The following EPHA6 variants were observed in gnomAD, a reference collection of about 807,000 sequenced individuals.
The protein encoded by EPHA6 is ephrin type-A receptor 6.
A neutral mutation model predicts 112.0 loss-of-function variants in EPHA6; 50 were observed. The ratio of observed to expected loss-of-function variants is 0.45; its 90% confidence interval spans 0.36 to 0.56. EPHA6 has a LOEUF of 0.56. Among genes scored for constraint, EPHA6 ranks in the 20% least tolerant of loss-of-function variants. The probability of loss-of-function intolerance (pLI) is 0.00; values close to 1 mark genes in which losing one functional copy is unlikely to be tolerated. For missense variants in EPHA6, 1,280 were observed against 1,417.4 expected (o/e 0.90, Z 1.56); for synonymous variants, 529 against 490.7 (o/e 1.08, Z -1.03).
chr3:97,485,953 A>T (rs1464736692), intron 10 of EPHA6, among the ~76,000 whole-genome samples: 1 of 152,230 alleles, frequency 6.6e-6, no homozygotes, highest in Admixed American at 6.5e-5. Context: ...TGAAATCATA[A>T]TGTTGAGAGA....
intron 3 of EPHA6, among the ~76,000 whole-genome samples, chr3:97,121,147 C>G (rs757617393): frequency 3.9e-5 from 6 of 151,974 alleles, no homozygotes; most frequent in Non-Finnish European, 8.8e-5. Flanking sequence ...CAATACCACC[C>G]AAACTCATAT....
chr3:97,281,226 T>C (rs1333956174), intron 5 of EPHA6, among the ~76,000 whole-genome samples: 6 of 142,118 alleles, frequency 4.2e-5, no homozygotes, highest in South Asian at 2.1e-4. Flanking sequence ...TGTGTGTGTG[T>C]GTGCGCGCGT....
intron 7 of EPHA6, among the ~76,000 whole-genome samples, chr3:97,469,836 G>A (rs781063540): frequency 3.3e-5 from 5 of 151,644 alleles, no homozygotes; most frequent in Non-Finnish European, 5.9e-5. Flanking sequence ...AGATACTGTG[G>A]AAAGGCAACC....
chr3:97,096,028 G>T (rs943899727), intron 3 of EPHA6, among the ~76,000 whole-genome samples: 4 of 151,892 alleles, frequency 2.6e-5, no homozygotes, highest in African/African-American at 9.7e-5. Context: ...TCCTAGGGAT[G>T]GTGGATAAGA....
chr3:97,065,405 A>G lies in EPHA6; in HGVS notation c.1114+77412A>G, dbSNP rs570573418. On this transcript the variant is annotated intron_variant, in intron 3 of 17. Transcript: ENST00000389672. ...CAGAATACATGATTTTTATTTAGAT[A>G]AAATATTAGATGCCTTTTATTTTAA... Among the ~76,000 whole-genome samples the G allele has an allele frequency of 2.0e-5, 3 of 152,280 alleles. No homozygotes were observed. In the South Asian group the frequency reaches 6.2e-4, roughly 32 times the overall value.
intron 3 of EPHA6, among the ~76,000 whole-genome samples, chr3:97,094,830 T>C (rs769774873): frequency 2.0e-5 from 3 of 152,114 alleles, no homozygotes; most frequent in Non-Finnish European, 4.4e-5. Flanking sequence ...AAAACTAAAC[T>C]GCTGAAATGT....
intron 3 of EPHA6, among the ~76,000 whole-genome samples, chr3:96,994,732 T>TATATATATATATATATAGAGAGAGAG (rs1170197805): frequency 2.4e-5 from 2 of 82,204 alleles, no homozygotes; most frequent in African/African-American, 1.3e-4. Flanking sequence ...TATATATATA[T>TATATATATATATATATAGAGAGAGAG]AGAGAGAGAG....
intron 3 of EPHA6, among the ~76,000 whole-genome samples, chr3:97,029,234 T>C (rs2044742715): frequency 1.3e-5 from 2 of 151,716 alleles, no homozygotes; most frequent in Non-Finnish European, 2.9e-5. Flanking sequence ...AATTATTTTC[T>C]AAATTCCAGT....
At position 97,032,216 on chromosome 3, in the gene EPHA6, G is replaced by A. The variant is rs527718834; in HGVS notation, c.1114+44223G>A. 1.4e-4 allele frequency among the ~76,000 whole-genome samples: 22 copies of A among 151,950 alleles called. No homozygotes were observed. The East Asian group carries it at 2.1e-3, about 15-fold the overall frequency. On this transcript the variant is annotated intron_variant, in intron 3 of 17. Coordinates refer to ENST00000389672, the MANE Select transcript of EPHA6 (RefSeq NM_001080448.3). ...GCAAGGACAAAAAACCAAACACCGC[G>A]TGTTCTCACTCATAGGTGGGAATTG...
At chr3:97,490,673 C>G (rs554425317) in intron 10 of EPHA6, among the ~76,000 whole-genome samples, 35 of 152,300 alleles carry the variant, frequency 2.3e-4, no homozygotes, top group African/African-American at 8.4e-4. Flanking sequence ...CACATATCGA[C>G]AGCAACAACT....
chr3:97,128,806 C>A (rs1319018650), intron 3 of EPHA6, among the ~76,000 whole-genome samples: 3 of 151,784 alleles, frequency 2.0e-5, no homozygotes, highest in Non-Finnish European at 4.4e-5. Context: ...AGGCCACTGC[C>A]GGTGCCTGAC....
At chr3:97,565,443 CA>C (rs61699746) in intron 11 of EPHA6, among the ~76,000 whole-genome samples, 102 of 152,196 alleles carry the variant, frequency 6.7e-4, no homozygotes, top group African/African-American at 2.4e-3. Flanking sequence ...ACATCATAGT[CA>C]AGAAGCACTA....
chr3:97,297,225 A>G (rs2080904670), intron 5 of EPHA6, among the ~76,000 whole-genome samples: 1 of 152,106 alleles, frequency 6.6e-6, no homozygotes. Context: ...CTCCCAGCCA[A>G]CACCAACTGA....
intron 2 of EPHA6, among the ~76,000 whole-genome samples, chr3:96,916,953 T>C (rs2039510961): frequency 6.6e-6 from 1 of 152,134 alleles, no homozygotes; most frequent in African/African-American, 2.4e-5. Context: ...GTGTGAAAGA[T>C]TTACTATTTG....
At chr3:97,032,181 G>T (rs1159677719) in intron 3 of EPHA6, among the ~76,000 whole-genome samples, 1 of 152,096 alleles carries the variant, frequency 6.6e-6, no homozygotes, top group Admixed American at 6.6e-5. Flanking sequence ...ATCATTCTCA[G>T]AAAACTATCG....
intron 5 of EPHA6, among the ~76,000 whole-genome samples, chr3:97,388,568 G>A (rs1416821200): frequency 6.6e-6 from 1 of 152,140 alleles, no homozygotes; most frequent in Non-Finnish European, 1.5e-5. Flanking sequence ...GGATGGGTGA[G>A]AGATATGATA....
At chr3:97,476,797 T>C (rs2091381010) in intron 8 of EPHA6, among the ~76,000 whole-genome samples, 1 of 152,086 alleles carries the variant, frequency 6.6e-6, no homozygotes, top group Non-Finnish European at 1.5e-5. Context: ...TGATGACTTA[T>C]TTGTGAAATT....
chr3:97,655,585 CAT>C (rs1318270450), intron 14 of EPHA6, among the ~76,000 whole-genome samples: 1 of 151,878 alleles, frequency 6.6e-6, no homozygotes, highest in Non-Finnish European at 1.5e-5. Flanking sequence ...CCGCAATAAA[CAT>C]ACGTGTGCAT....
intron 11 of EPHA6, among the ~76,000 whole-genome samples, chr3:97,542,571 T>C (rs1166779450): frequency 1.3e-5 from 2 of 152,204 alleles, no homozygotes; most frequent in Non-Finnish European, 2.9e-5. Flanking sequence ...GCATGTGTCT[T>C]TATAGCAGCA....
Sources: gnomAD v4.1 joint callset for allele counts (sites outside exome capture counted in the v4.1 genomes callset) on GRCh38, gnomAD v4.1.1 for gene constraint, MANE v1.5 for transcripts, NCBI Gene and HGNC (gene_info 2026-07-23, HGNC 2026-07-21) for gene names.